The following PDZD8 variants were observed in gnomAD, a reference collection of about 807,000 sequenced individuals.
PDZD8 encodes the protein PDZ domain-containing protein 8.
PDZD8 carries 14 observed loss-of-function variants against 85.8 expected under a neutral mutation model. That is an observed-to-expected ratio of 0.16 (90% CI 0.11 to 0.26). The LOEUF is 0.26. Among genes scored for constraint, PDZD8 ranks in the 10% least tolerant of loss-of-function variants. PDZD8 has a pLI of 1.00. For synonymous variants in PDZD8, 592 were observed against 568.6 expected, an observed-to-expected ratio of 1.04 and a Z score of -0.59; for missense variants, 1,197 against 1,424.3, an observed-to-expected ratio of 0.84 and a Z score of 2.57.
intron 4 of PDZD8, chr10:117,285,703 C>G: frequency 8.3e-7 from 1 of 1,199,426 alleles, no homozygotes; most frequent in Non-Finnish European, 1.0e-6. Context: ...CCTTTTCAAA[C>G]CAGATGATGA....
intron 2 of PDZD8, among the ~76,000 whole-genome samples, chr10:117,331,047 T>C (rs1227600148): frequency 1.3e-5 from 2 of 152,106 alleles, no homozygotes; most frequent in East Asian, 3.8e-4. Context: ...TCAATTCAAA[T>C]TAGACAGCCT....
At position 117,333,126 on chromosome 10, in the gene PDZD8, A is replaced by ACAAAAAAAC. The variant is rs1554854835; in HGVS notation, c.995+7853_995+7854insGTTTTTTTG. Among the ~76,000 whole-genome samples, 1,192 of 140,762 alleles carry ACAAAAAAAC rather than the reference A, an allele frequency of 8.5e-3. 43 individuals are homozygous for ACAAAAAAAC. The highest frequency in any genetic ancestry group is 0.031 in the African/African-American group (1,131 of 36,478). 92.3% of individuals were successfully genotyped at this position (140,762 alleles called of 152,430 possible). ...AGAGTGGACTCTGTCTCAAAAAAAA[A>ACAAAAAAAC]AAAAAAAAAAAAAAAAAGGGGATAT... is the stretch of plus-strand genomic sequence containing the variant. On this transcript the variant is annotated intron_variant, in intron 2 of 4. Coordinates refer to ENST00000334464, the MANE Select transcript of PDZD8 (RefSeq NM_173791.5).
intron 1 of PDZD8, among the ~76,000 whole-genome samples, chr10:117,351,075 G>A (rs1363600196): frequency 6.6e-6 from 1 of 152,076 alleles, no homozygotes; most frequent in African/African-American, 2.4e-5. Flanking sequence ...TGTTGGAGAG[G>A]ATGTGAAACT....
intron 1 of PDZD8, among the ~76,000 whole-genome samples, 189 bp from the exon 2 acceptor site, chr10:117,341,291 A>C (rs534298222): frequency 6.6e-6 from 1 of 152,334 alleles, no homozygotes; most frequent in South Asian, 2.1e-4. Flanking sequence ...GGCACCCATA[A>C]GTCTTGGTTT....
At position 117,283,202 on chromosome 10, in the gene PDZD8, T is replaced by C. The variant is rs1844595746; in HGVS notation, c.*66A>G. The C allele has an allele frequency of 6.9e-7, 1 of 1,458,612 alleles. No homozygotes were observed. Among genetic ancestry groups the C allele is most frequent in the Non-Finnish European group, 9.2e-7 (1 of 1,081,540 alleles). The allele number at this position is 1,458,612 out of a possible 1,614,324, so 90.4% of individuals were successfully genotyped here. On this transcript the variant is annotated 3_prime_UTR_variant, in exon 5 of 5. Transcript: ENST00000334464. ...AGTGCATACGAGGATTTAAACATGGTTGTATCTGTGGTACTTTAGATGCAA... is the reference window on the plus strand; with the variant it reads ...AGTGCATACGAGGATTTAAACATGGCTGTATCTGTGGTACTTTAGATGCAA...
chr10:117,315,031 T>A (rs960883321), intron 3 of PDZD8, among the ~76,000 whole-genome samples: 1 of 152,110 alleles, frequency 6.6e-6, no homozygotes, highest in African/African-American at 2.4e-5. Flanking sequence ...AAAGAATAGG[T>A]GGGTGTTTGT....
chr10:117,329,328 T>C (rs1844375315), intron 2 of PDZD8, among the ~76,000 whole-genome samples: 1 of 152,206 alleles, frequency 6.6e-6, no homozygotes, highest in Non-Finnish European at 1.5e-5. Context: ...AGCTATTACC[T>C]CTGTGAAATT....
chr10:117,357,906 TA>T (rs1384940352), intron 1 of PDZD8, among the ~76,000 whole-genome samples: 1 of 148,690 alleles, frequency 6.7e-6, no homozygotes, highest in Non-Finnish European at 1.5e-5. Context: ...TTATATCTGA[TA>T]AAAATATGAG....
chr10:117,315,604 A>AAC (rs1554853460), intron 3 of PDZD8, among the ~76,000 whole-genome samples: 2 of 150,936 alleles, frequency 1.3e-5, no homozygotes, highest in African/African-American at 2.4e-5. Flanking sequence ...AAAAAAAAAA[A>AAC]AAAAAAAACA....
At chr10:117,352,171 TCTCCA>T (rs1485483933) in intron 1 of PDZD8, among the ~76,000 whole-genome samples, 1 of 152,086 alleles carries the variant, frequency 6.6e-6, no homozygotes, top group Non-Finnish European at 1.5e-5. Context: ...GCTGGTGACA[TCTCCA>T]TCACATGGCA....
intron 2 of PDZD8, among the ~76,000 whole-genome samples, chr10:117,336,661 G>A (rs1313234310): frequency 1.3e-5 from 2 of 151,980 alleles, no homozygotes; most frequent in Non-Finnish European, 2.9e-5. Flanking sequence ...AAAAAAGATG[G>A]GGTCATATCA....
At chr10:117,366,039 AG>A (rs1845083776) in intron 1 of PDZD8, among the ~76,000 whole-genome samples, 1 of 152,044 alleles carries the variant, frequency 6.6e-6, no homozygotes, top group Non-Finnish European at 1.5e-5. Flanking sequence ...AAATCTTAAG[AG>A]GAAAAAAAAA....
intron 2 of PDZD8, among the ~76,000 whole-genome samples, chr10:117,329,356 T>TAAC (rs1844375937): frequency 3.3e-5 from 5 of 152,186 alleles, no homozygotes; most frequent in Non-Finnish European, 7.4e-5. Flanking sequence ...AAGTTCAAAG[T>TAAC]ATTCTTTTAA....
chr10:117,296,732 T>C (rs1843765822), intron 3 of PDZD8, among the ~76,000 whole-genome samples: 1 of 152,072 alleles, frequency 6.6e-6, no homozygotes, highest in African/African-American at 2.4e-5. Context: ...GACAAGTAGA[T>C]GTCTGAATAG....
chr10:117,345,782 G>A (rs889811303), intron 1 of PDZD8, among the ~76,000 whole-genome samples: 1 of 152,180 alleles, frequency 6.6e-6, no homozygotes, highest in Non-Finnish European at 1.5e-5. Flanking sequence ...AAAATTTGTG[G>A]AGACCAAAGT....
Position 117,341,119 on chromosome 10 carries a change from T to A in PDZD8, c.873-17A>T. The A allele has an allele frequency of 6.2e-7, 1 of 1,608,824 alleles. No individual in the cohort carries two copies. Among genetic ancestry groups the A allele is most frequent in the Non-Finnish European group, 8.5e-7 (1 of 1,175,550 alleles). ...GGCTTAAACCTGACAAAAGTAAAGA[T>A]AAGTCTAAATGTCTGAATAATAAAC... On this transcript the variant is annotated splice_polypyrimidine_tract_variant and intron_variant, in intron 1 of 4. Transcript: ENST00000334464.
chr10:117,346,122 T>C (rs1362436797), intron 1 of PDZD8, among the ~76,000 whole-genome samples: 1 of 149,538 alleles, frequency 6.7e-6, no homozygotes, highest in African/African-American at 2.5e-5. Context: ...GCACCTGTAA[T>C]CCCAGCTACT....
chr10:117,365,377 T>A (rs1439809953), intron 1 of PDZD8, among the ~76,000 whole-genome samples: 1 of 152,166 alleles, frequency 6.6e-6, no homozygotes, highest in Non-Finnish European at 1.5e-5. Flanking sequence ...TTGAGTATGA[T>A]CCTGCCTTTA....
intron 1 of PDZD8, among the ~76,000 whole-genome samples, chr10:117,347,537 T>C (rs1006474441): frequency 6.6e-6 from 1 of 152,208 alleles, no homozygotes; most frequent in African/African-American, 2.4e-5. Context: ...ACCTTGGGCA[T>C]ATGTTCAAAG....
Sources: gnomAD v4.1 joint callset for allele counts (sites outside exome capture counted in the v4.1 genomes callset) on GRCh38, gnomAD v4.1.1 for gene constraint, MANE v1.5 for transcripts, NCBI Gene and HGNC (gene_info 2026-07-23, HGNC 2026-07-21) for gene names.